The following SYNE1 variants were observed in gnomAD, a reference collection of about 807,000 sequenced individuals.
SYNE1 encodes the protein nesprin-1.
In SYNE1, 616 loss-of-function variants were observed where a neutral mutation model predicts 1,111.0. The ratio of observed to expected loss-of-function variants is 0.55; its 90% CI spans 0.52 to 0.59. The LOEUF (loss-of-function observed/expected upper bound fraction) is 0.59. Ranked by LOEUF, SYNE1 falls within the 20% of genes least tolerant of loss-of-function variation. The probability of loss-of-function intolerance (pLI) is 0.00; values close to 1 mark genes in which losing one functional copy is unlikely to be tolerated. For missense variants in SYNE1, 10,006 were observed against 10,417.0 expected (o/e 0.96, Z 1.72); for synonymous variants, 3,855 against 3,825.8 (o/e 1.01, Z -0.28).
Position 152,254,817 on chromosome 6 carries a change from G to A in SYNE1, c.19470+63C>T, listed in dbSNP as rs185346556. On this transcript the variant is annotated intron_variant, in intron 104 of 145. Transcript: ENST00000367255. ...ACAACCAGGTCTGTAACACAGACTC[G>A]TGACTGACTATTACTGAATACCTAG... The A allele has an allele frequency of 1.5e-4, 223 of 1,443,458 alleles. No homozygotes were observed. In the African/African-American group the frequency reaches 2.3e-3, roughly 15 times the overall value. 89.4% of individuals were successfully genotyped at this position (1,443,458 alleles called of 1,614,324 possible). A position where few individuals can be genotyped will look rare whatever the true frequency, so the allele number is the denominator to read the frequency against.
At chr6:152,198,229 C>T (rs2074587720) in intron 127 of SYNE1, among the ~76,000 whole-genome samples, 1 of 152,198 alleles carries the variant, frequency 6.6e-6, no homozygotes, top group Non-Finnish European at 1.5e-5. Context: ...CCTTAAAACT[C>T]ATGAACCAAC....
chr6:152,609,771 A>G (rs2099626130), intron 3 of SYNE1, among the ~76,000 whole-genome samples: 1 of 152,152 alleles, frequency 6.6e-6, no homozygotes, highest in Admixed American at 6.5e-5. Flanking sequence ...TGAAGTTTCC[A>G]GGGGAACGAT....
Position 152,312,221 on chromosome 6 carries a change from TTTTC to T in SYNE1, c.16711-1352_16711-1349del, listed in dbSNP as rs1373109068. 9.2e-3 allele frequency among the ~76,000 whole-genome samples: 492 copies of T among 53,532 alleles called. 3 individuals carry two copies. Among genetic ancestry groups the T allele is most frequent in the African/African-American group, 0.024 (418 of 17,108 alleles). The allele number at this position is 53,532 out of a possible 152,430, so 35.1% of individuals were successfully genotyped here. On this transcript the variant is annotated intron_variant, in intron 87 of 145. Coordinates refer to ENST00000367255, the MANE Select transcript of SYNE1 (RefSeq NM_182961.4). ...AAGATATATTTATCTTTTTTTTTTT[TTTTC>T]TGAGACGGAGTTTTGCTCCTGTTGC...
rs541638852 is a variant in SYNE1 at position 152,495,928 on chromosome 6, A to C, written c.939+2814T>G. ...AATTAAAAAGAAAATTTTATATTCGAGTGCTATTTCTTTTGTGGCACAGAA... is the reference window on the plus strand; with the variant it reads ...AATTAAAAAGAAAATTTTATATTCGCGTGCTATTTCTTTTGTGGCACAGAA... On this transcript the variant is annotated intron_variant, in intron 11 of 145. Coordinates refer to ENST00000367255, the MANE Select transcript of SYNE1 (RefSeq NM_182961.4). Among the ~76,000 whole-genome samples the C allele has an allele frequency of 5.3e-5, 8 of 152,332 alleles. No individual in the cohort carries two copies. In the South Asian group the frequency reaches 6.2e-4, roughly 12 times the overall value.
chr6:152,437,005 GA>G (rs1199684617), intron 32 of SYNE1, among the ~76,000 whole-genome samples: 1,461 of 142,960 alleles, frequency 0.01, 18 homozygotes, highest in African/African-American at 0.033. Context: ...CATCTCTAGG[GA>G]AAAAAAAAAA....
intron 3 of SYNE1, among the ~76,000 whole-genome samples, chr6:152,623,226 C>T (rs1007467288): frequency 6.6e-6 from 1 of 151,986 alleles, no homozygotes; most frequent in Non-Finnish European, 1.5e-5. Context: ...CTTTGACAAA[C>T]CTGACAAAAA....
intron 101 of SYNE1, among the ~76,000 whole-genome samples, chr6:152,261,058 C>T (rs1222734347): frequency 6.6e-6 from 1 of 152,164 alleles, no homozygotes; most frequent in Non-Finnish European, 1.5e-5. Context: ...TCCAGCGTTT[C>T]CCTCCTCCAA....
At chr6:152,269,367 T>C in intron 98 of SYNE1, 81 bp from the exon 99 acceptor site, 1 of 1,605,126 alleles carries the variant, frequency 6.2e-7, no homozygotes, top group Non-Finnish European at 8.5e-7. Context: ...TACTTTGGTG[T>C]GATCTATGTA....
intron 3 of SYNE1, among the ~76,000 whole-genome samples, chr6:152,559,731 A>G (rs7739404): frequency 0.69 from 105,149 of 151,948 alleles, 37,591 homozygotes; most frequent in African/African-American, 0.86. Context: ...GCTAGCAAAA[A>G]GAGAAAGACT....
rs373924679 is a variant in SYNE1, at chr6:152,149,141, C to T, written c.24642+336G>A. On this transcript the variant is annotated intron_variant, in intron 136 of 145. Coordinates refer to ENST00000367255, the MANE Select transcript of SYNE1 (RefSeq NM_182961.4). ...AGAGCAGTGCTGCCCCATGTTTCTG[C>T]GATCAAAAGATTCTTATTTATCTTC... is the stretch of plus-strand genomic sequence containing the variant. Among the ~76,000 whole-genome samples, 73 of 152,254 alleles carry T rather than the reference C, an allele frequency of 4.8e-4. 1 individual carries two copies. The highest frequency in any genetic ancestry group is 1.5e-3 in the African/African-American group (63 of 41,554).
At chr6:152,177,130 G>T (rs148983215) in intron 129 of SYNE1, among the ~76,000 whole-genome samples, 36 of 152,218 alleles carry the variant, frequency 2.4e-4, no homozygotes, top group African/African-American at 8.2e-4. Flanking sequence ...ATAAATCAAT[G>T]ATAAATTAAC....
chr6:152,481,252 GGA>G, intron 14 of SYNE1: 1 of 205,636 alleles, frequency 4.9e-6, no homozygotes, highest in Non-Finnish European at 1.0e-5. Flanking sequence ...CCTCTAGATT[GGA>G]GGCACCACAA....
At chr6:152,366,818 T>C (rs1411403732) in intron 62 of SYNE1, among the ~76,000 whole-genome samples, 1 of 152,154 alleles carries the variant, frequency 6.6e-6, no homozygotes, top group African/African-American at 2.4e-5. Flanking sequence ...AATGCGAAAA[T>C]GAACTCATAA....
At chr6:152,588,776 A>G (rs1434922017) in intron 3 of SYNE1, among the ~76,000 whole-genome samples, 1 of 152,022 alleles carries the variant, frequency 6.6e-6, no homozygotes, top group African/African-American at 2.4e-5. Context: ...TTTCCTCTTC[A>G]CCCTGCATCC....
chr6:152,229,666 T>A (rs2082315694), intron 115 of SYNE1, among the ~76,000 whole-genome samples: 3 of 152,140 alleles, frequency 2.0e-5, no homozygotes, highest in Admixed American at 1.3e-4. Flanking sequence ...ATTAAACATC[T>A]TAAGGACATT....
chr6:152,289,064 A>C (rs933114078), intron 95 of SYNE1, among the ~76,000 whole-genome samples: 2 of 152,180 alleles, frequency 1.3e-5, no homozygotes, highest in Non-Finnish European at 2.9e-5. Flanking sequence ...ATACCACTAA[A>C]TTGTACAATT....
Position 152,318,064 on chromosome 6 carries a change from T to C in SYNE1, c.16572+17A>G. 6 of 1,614,234 alleles carry C rather than the reference T, an allele frequency of 3.7e-6. No individual in the cohort carries two copies. The highest frequency in any genetic ancestry group is 5.1e-6 in the Non-Finnish European group (6 of 1,180,042). On this transcript the variant is annotated intron_variant, in intron 86 of 145. Coordinates refer to ENST00000367255, the MANE Select transcript of SYNE1 (RefSeq NM_182961.4). ...TTCTGCCTTACACGATTTGGATTTC[T>C]GGCCCGGAACACATACCTGATTGAG...
intron 11 of SYNE1, among the ~76,000 whole-genome samples, chr6:152,490,141 C>T (rs191462099): frequency 3.3e-5 from 5 of 152,192 alleles, no homozygotes; most frequent in Admixed American, 2.6e-4. Flanking sequence ...CACAGTATAA[C>T]AGCTATTTAA....
At chr6:152,201,238 G>C (rs719764) in intron 127 of SYNE1, among the ~76,000 whole-genome samples, 88,164 of 151,902 alleles carry the variant, frequency 0.58, 25,803 homozygotes, top group Admixed American at 0.66. Flanking sequence ...TGTTGGTCTC[G>C]GTGAGCTCAT....
Sources: gnomAD v4.1 joint callset for allele counts (sites outside exome capture counted in the v4.1 genomes callset) on GRCh38, gnomAD v4.1.1 for gene constraint, MANE v1.5 for transcripts, NCBI Gene and HGNC (gene_info 2026-07-23, HGNC 2026-07-21) for gene names.